EHBP1L1: variants seen among roughly 807,000 people sequenced by gnomAD.
The protein encoded by EHBP1L1 is EH domain-binding protein 1-like protein 1.
Under a neutral mutation model 151.1 loss-of-function variants are expected in EHBP1L1, and 122 were observed. The ratio of observed to expected loss-of-function variants is 0.81; its 90% CI spans 0.70 to 0.94. The LOEUF (loss-of-function observed/expected upper bound fraction) is 0.94. Among genes scored for constraint, EHBP1L1 ranks in the 40% least tolerant of loss-of-function variants. The pLI is 0.00. For synonymous variants in EHBP1L1, 878 were observed against 810.1 expected (o/e 1.08, Z -1.42); for missense variants, 1,941 against 1,959.8 (o/e 0.99, Z 0.18).
chr11:65,580,085 C>CT lies in EHBP1L1; in HGVS notation c.318dup (p.Lys107Ter). 1.2e-6 allele frequency: 2 copies of CT among 1,613,070 alleles called. No homozygotes were observed. Among genetic ancestry groups the CT allele is most frequent in the Non-Finnish European group, 1.7e-6 (2 of 1,179,284 alleles). On this transcript the variant is annotated frameshift_variant, in exon 5 of 19. Transcript: ENST00000309295. LOFTEE classifies it high-confidence loss of function. ...GGTCTCTCCCCTGGCCCACAGGAGTCTAAGGGGCAGCGGAAGGTGCTGGCC... is the reference window on the plus strand; with the variant it reads ...GGTCTCTCCCCTGGCCCACAGGAGTCTTAAGGGGCAGCGGAAGGTGCTGGCC...
At position 65,583,720 on chromosome 11, in the gene EHBP1L1, T is replaced by C. The variant is rs1383529611; in HGVS notation, c.3048T>C (p.Ser1016=). The change falls in exon 9 of 19, where the codon TCT becomes TCC. Residue 1016 remains serine (S), a synonymous_variant. Coordinates refer to ENST00000309295, the MANE Select transcript of EHBP1L1 (RefSeq NM_001099409.3). The part of the protein sequence containing the change: ...SGAGAGAPRA[S]SPEKAEEDRR... Reference sequence around the variant, plus strand: ...CAGGGGCTGGGGCGCCCAGGGCCTCTTCCCCAGAGAAGGCTGAAGAGGACA... The same window carrying C: ...CAGGGGCTGGGGCGCCCAGGGCCTCCTCCCCAGAGAAGGCTGAAGAGGACA... 9.1e-6 allele frequency: 14 copies of C among 1,546,656 alleles called. No individual in the cohort carries two copies. The highest frequency in any genetic ancestry group is 1.2e-5 in the South Asian group (1 of 83,780).
chr11:65,589,595 G>A (rs985964946), intron 12 of EHBP1L1, among the ~76,000 whole-genome samples, 156 bp from the exon 13 acceptor site: 5 of 152,180 alleles, frequency 3.3e-5, no homozygotes, highest in Admixed American at 6.5e-5. Context: ...AGGTGGGCCC[G>A]GGGGTTCTGT....
Position 65,583,255 on chromosome 11 carries a change from C to G in EHBP1L1, c.2583C>G (p.Ala861=). 6.2e-7 allele frequency: 1 copy of G among 1,613,366 alleles called. No homozygotes were observed. ...ISGPEAGMAE[A]RVLMTRKTEI... Reference sequence around the variant, plus strand: ...GGCCCGAGGCTGGAATGGCAGAGGCCCGAGTACTGATGACCCGTAAGACAG... The same window carrying G: ...GGCCCGAGGCTGGAATGGCAGAGGCGCGAGTACTGATGACCCGTAAGACAG... The change falls in exon 9 of 19, where the codon GCC becomes GCG. Residue 861 remains alanine, a synonymous_variant. Transcript: ENST00000309295.
At position 65,589,681 on chromosome 11, in the gene EHBP1L1, G is replaced by A. The variant is rs1858156969; in HGVS notation, c.3934-70G>A. 2.7e-6 allele frequency: 4 copies of A among 1,465,094 alleles called. No individual in the cohort carries two copies. The South Asian group carries it at 4.2e-5, about 16-fold the overall frequency. The allele number at this position is 1,465,094 out of a possible 1,614,324, so 90.8% of individuals were successfully genotyped here. A position where few individuals can be genotyped will look rare whatever the true frequency, so the allele number is the denominator to read the frequency against. ...ACCCCTCCTCCCCTCTGTATGAGTG[G>A]CTCTGGCTGGCCCCAGGCCCAGGCT... On this transcript the variant is annotated intron_variant, in intron 12 of 18. Transcript: ENST00000309295.
chr11:65,591,367 A>G (rs562699813), intron 16 of EHBP1L1: 1 of 246,682 alleles, frequency 4.1e-6, no homozygotes, highest in East Asian at 1.3e-4. Context: ...CAGCCTTTAC[A>G]GTAAGGAAAA....
chr11:65,576,991 A>G (rs1213194034), intron 1 of EHBP1L1, among the ~76,000 whole-genome samples: 1 of 152,140 alleles, frequency 6.6e-6, no homozygotes, highest in African/African-American at 2.4e-5. Context: ...AGCAGCTTAA[A>G]GGGGCCTGAG....
At chr11:65,578,590 C>G (rs1239460278) in intron 1 of EHBP1L1, among the ~76,000 whole-genome samples, 1 of 152,236 alleles carries the variant, frequency 6.6e-6, no homozygotes, top group African/African-American at 2.4e-5. Context: ...GGTCTTGTCT[C>G]TCTTTTGCCC....
chr11:65,581,536 C>G lies in EHBP1L1; in HGVS notation c.867-3C>G. On this transcript the variant is annotated splice_polypyrimidine_tract_variant and splice_region_variant and intron_variant, in intron 8 of 18. Coordinates refer to ENST00000309295, the MANE Select transcript of EHBP1L1 (RefSeq NM_001099409.3). ...CCAACTCCCCCTCCTGCTCTCTTCT[C>G]AGGTCTTCAAGGCAGCCAGCCCAGG... 1 of 1,489,344 alleles carries G rather than the reference C, an allele frequency of 6.7e-7. No homozygotes were observed. The allele number at this position is 1,489,344 out of a possible 1,614,324, so 92.3% of individuals were successfully genotyped here.
chr11:65,588,625 G>A (rs1202291760), intron 12 of EHBP1L1, among the ~76,000 whole-genome samples: 5 of 152,198 alleles, frequency 3.3e-5, no homozygotes, highest in Non-Finnish European at 7.4e-5. Flanking sequence ...CCATGACCCC[G>A]ACACAGGTCA....
chr11:65,592,027 A>T lies in EHBP1L1; in HGVS notation c.4409A>T (p.Glu1470Val). ...CACCGAGAGCAGCTCCTACTGGAGG[A>T]GCTGGTGTCGCTGGTGAACCAGCGC... ...QQHREQLLLE[E>V]LVSLVNQRDE... Residue 1470 changes from glutamate (E) to valine (V), a missense_variant, in exon 18 of 19, where the codon GAG becomes GTG. Glu to Val is a moderately radical substitution (Grantham distance 121, BLOSUM62 -2). Transcript: ENST00000309295. The T allele has an allele frequency of 6.2e-7, 1 of 1,613,308 alleles. No individual in the cohort carries two copies. Among genetic ancestry groups the T allele is most frequent in the East Asian group, 2.2e-5 (1 of 44,846 alleles).
In EHBP1L1 at chr11:65,582,690, C is replaced by T; in HGVS notation, c.2018C>T (p.Thr673Ile). 6.2e-7 allele frequency: 1 copy of T among 1,613,564 alleles called. No homozygotes were observed. Among genetic ancestry groups the T allele is most frequent in the Non-Finnish European group, 8.5e-7 (1 of 1,179,822 alleles). The change falls in exon 9 of 19, where the codon ACT becomes ATT. Residue 673 changes from threonine (T) to isoleucine (I), a missense_variant. Thr to Ile is a moderately conservative substitution (Grantham distance 89). Coordinates refer to ENST00000309295, the MANE Select transcript of EHBP1L1 (RefSeq NM_001099409.3). ...VLQTRTTIAE[T>I]EVLVTQEISG... ...CAGACAAGAACTACGATAGCAGAGA[C>T]TGAGGTACTGGTGACCCAGGAGATA...
Position 65,581,549 on chromosome 11 carries a change from C to A in EHBP1L1, c.877C>A (p.Gln293Lys). ...ETSPEMRSSR[Q>K]PAQDTAPTPA... is the part of the protein sequence containing the mutation. ...CTGCTCTCTTCTCAGGTCTTCAAGGCAGCCAGCCCAGGACACGGCCCCCAC... is the reference window on the plus strand; with the variant it reads ...CTGCTCTCTTCTCAGGTCTTCAAGGAAGCCAGCCCAGGACACGGCCCCCAC... Residue 293 changes from glutamine (Q) to lysine (K), a missense_variant, in exon 9 of 19, where the codon CAG becomes AAG. Gln to Lys is a moderately conservative substitution (Grantham distance 53). Coordinates refer to ENST00000309295, the MANE Select transcript of EHBP1L1 (RefSeq NM_001099409.3). The A allele has an allele frequency of 6.7e-7, 1 of 1,495,034 alleles. No homozygotes were observed. Among genetic ancestry groups the A allele is most frequent in the South Asian group, 1.4e-5 (1 of 72,698 alleles). The allele number at this position is 1,495,034 out of a possible 1,614,324, so 92.6% of individuals were successfully genotyped here. A position where few individuals can be genotyped will look rare whatever the true frequency, so the allele number is the denominator to read the frequency against.
In EHBP1L1 at chr11:65,585,184, G is replaced by C; in HGVS notation, c.3526G>C (p.Gly1176Arg). The change falls in exon 12 of 19, where the codon GGA becomes CGA. Residue 1176 changes from glycine (G) to arginine (R), a missense_variant. Physicochemically the swap from Gly to Arg is moderately radical, Grantham distance 125. Transcript: ENST00000309295. This position sits in a 1 kb window ranked among gnomAD's most constrained non-coding sequence, Gnocchi z 4.0. Reference sequence around the variant, plus strand: ...CAGCCCGCCCGACGACCTGGACGCCGGAGGCCTGGCGCAGCGGCTGCGCGG... The same window carrying C: ...CAGCCCGCCCGACGACCTGGACGCCCGAGGCCTGGCGCAGCGGCTGCGCGG... ...QPSPPDDLDA[G>R]GLAQRLRGHG... The C allele has an allele frequency of 7.8e-7, 1 of 1,280,024 alleles. No homozygotes were observed. The highest frequency in any genetic ancestry group is 9.9e-7 in the Non-Finnish European group (1 of 1,013,386). The allele number at this position is 1,280,024 out of a possible 1,614,324, so 79.3% of individuals were successfully genotyped here. A position where few individuals can be genotyped will look rare whatever the true frequency, so the allele number is the denominator to read the frequency against.
At chr11:65,589,000 C>T (rs552800066) in intron 12 of EHBP1L1, among the ~76,000 whole-genome samples, 1 of 152,226 alleles carries the variant, frequency 6.6e-6, no homozygotes, top group Admixed American at 6.5e-5. Flanking sequence ...CTGGGTCACA[C>T]GGATGGGGCC....
intron 3 of EHBP1L1, 129 bp downstream of exon 3, chr11:65,579,565 G>T (rs1590813974): frequency 6.9e-6 from 5 of 720,982 alleles, no homozygotes; most frequent in African/African-American, 1.8e-5. Flanking sequence ...CAAGAATTAG[G>T]GGGGCCTGCT....
chr11:65,579,047 C>A, intron 1 of EHBP1L1, 31 bp from the exon 2 acceptor site: 1 of 1,559,978 alleles, frequency 6.4e-7, no homozygotes, highest in Non-Finnish European at 8.7e-7. Context: ...GCAGCCTGCT[C>A]CCTTTCTCCC....
Position 65,592,362 on chromosome 11 carries a change from G to T in EHBP1L1, c.*60G>T. On this transcript the variant is annotated 3_prime_UTR_variant, in exon 19 of 19. Transcript: ENST00000309295. ...TCCCCGGCGTCCGCCGCCGCCCCGG[G>T]CCTGCGCTGCGGACGACCCGGCCGT... 1 of 1,234,466 alleles carries T rather than the reference G, an allele frequency of 8.1e-7. No homozygotes were observed. The allele number at this position is 1,234,466 out of a possible 1,614,324, so 76.5% of individuals were successfully genotyped here.
In EHBP1L1 at chr11:65,580,388, T is replaced by C. The variant is rs754485783; in HGVS notation, c.543T>C (p.Asp181=). 11 of 1,613,656 alleles carry C rather than the reference T, an allele frequency of 6.8e-6. No homozygotes were observed. Among genetic ancestry groups the C allele is most frequent in the African/African-American group, 5.3e-5 (4 of 74,914 alleles). ...LASLMSVKPS[D]VGNLDDFAES... is the part of the protein sequence containing the mutation. ...GCCTCATGAGTGTGAAGCCTAGTGATGTGGGCAACTTGGATGACTTTGCTG... is the reference window on the plus strand; with the variant it reads ...GCCTCATGAGTGTGAAGCCTAGTGACGTGGGCAACTTGGATGACTTTGCTG... Residue 181 remains aspartate (D), a synonymous_variant, in exon 6 of 19, where the codon GAT becomes GAC. Coordinates refer to ENST00000309295, the MANE Select transcript of EHBP1L1 (RefSeq NM_001099409.3).
intron 15 of EHBP1L1, 102 bp downstream of exon 15, chr11:65,590,312 C>T: frequency 2.6e-6 from 4 of 1,543,884 alleles, no homozygotes; most frequent in Non-Finnish European, 3.5e-6. Context: ...GGAGGCACGG[C>T]TGGCATCAGC....
Sources: allele counts gnomAD v4.1 joint callset (sites outside exome capture counted in the v4.1 genomes callset), GRCh38; gene constraint gnomAD v4.1.1; non-coding constraint Gnocchi (gnomAD v3.1); transcripts MANE v1.5; gene names NCBI Gene and HGNC (gene_info 2026-07-23, HGNC 2026-07-21).